Variants in PARVB observed in about 807,000 individuals in gnomAD.
The protein encoded by PARVB is beta-parvin.
A neutral mutation model predicts 47.0 loss-of-function variants in PARVB; 46 were observed. That is an observed-to-expected ratio of 0.98 (90% CI 0.77 to 1.25). PARVB has a LOEUF of 1.25. Ranked by LOEUF, PARVB falls within the 50% of genes most tolerant of loss-of-function variation. PARVB has a pLI of 0.00. For missense variants in PARVB, 473 were observed against 471.6 expected (o/e 1.00, Z -0.03); for synonymous variants, 196 against 196.3 (o/e 1.00, Z 0.01).
intron 11 of PARVB, among the ~76,000 whole-genome samples, chr22:44,161,360 C>G (rs998557234): frequency 1.3e-5 from 2 of 149,348 alleles, no homozygotes; most frequent in East Asian, 2.0e-4. Context: ...CTCACCCAGG[C>G]TGGAGTGCAG....
intron 1 of PARVB, among the ~76,000 whole-genome samples, chr22:44,053,776 G>A (rs562779012): frequency 1.3e-5 from 2 of 152,236 alleles, no homozygotes; most frequent in East Asian, 1.9e-4. Context: ...CACAGAACTC[G>A]GGGAAACATT....
At chr22:44,129,724 C>T (rs1226211637) in intron 4 of PARVB, among the ~76,000 whole-genome samples, 3 of 152,310 alleles carry the variant, frequency 2.0e-5, no homozygotes, top group East Asian at 3.9e-4. Flanking sequence ...GATGAATAAG[C>T]GGGAATCGTT....
intron 7 of PARVB, among the ~76,000 whole-genome samples, chr22:44,138,575 G>A (rs2053489530): frequency 6.6e-6 from 1 of 152,190 alleles, no homozygotes; most frequent in African/African-American, 2.4e-5. Flanking sequence ...ATCATTGGAT[G>A]TCTGCTGAAA....
At chr22:44,160,945 G>A (rs1222416365) in intron 11 of PARVB, among the ~76,000 whole-genome samples, 3 of 152,182 alleles carry the variant, frequency 2.0e-5, no homozygotes, top group Non-Finnish European at 1.5e-5. Context: ...GCGTGGAAGA[G>A]GATTCCTCAG....
intron 2 of PARVB, among the ~76,000 whole-genome samples, chr22:44,015,164 TA>T (rs35523068): frequency 1.4e-3 from 200 of 143,778 alleles, no homozygotes; most frequent in Non-Finnish European, 1.5e-3. Flanking sequence ...ACACAGCAAT[TA>T]AAAAAAAAAA....
rs1304516012 is a variant in PARVB, at chr22:44,125,271, T to A, written c.376+6131T>A. On this transcript the variant is annotated intron_variant, in intron 4 of 12. Coordinates refer to ENST00000338758, the MANE Select transcript of PARVB (RefSeq NM_013327.5). This position sits in a 1 kb window ranked among gnomAD's most constrained non-coding sequence, Gnocchi z 4.1. ...TTGGCTTACATGTGTCGGGTGGCTC[T>A]TGGCTGTAGAGACACAGTGGGAAAC... is the stretch of plus-strand genomic sequence containing the variant. Among the ~76,000 whole-genome samples, 11 of 150,780 alleles carry A rather than the reference T, an allele frequency of 7.3e-5. No individual in the cohort carries two copies. The highest frequency in any genetic ancestry group is 1.3e-4 in the Admixed American group (2 of 15,136).
chr22:44,123,238 G>A (rs1456510799), intron 4 of PARVB, among the ~76,000 whole-genome samples: 3 of 152,204 alleles, frequency 2.0e-5, no homozygotes, highest in African/African-American at 7.2e-5. Context: ...TCACTCAAAT[G>A]TATTGACCAT....
chr22:44,108,941 A>AG (rs2052627242), intron 3 of PARVB: 1 of 152,180 alleles, frequency 6.6e-6, no homozygotes, highest in Admixed American at 6.5e-5. Flanking sequence ...CAGAAAAAAA[A>AG]CACAGAAAAC....
chr22:44,022,680 A>G (rs9626092), upstream of PARVB, among the ~76,000 whole-genome samples: 5,780 of 152,064 alleles, frequency 0.038, 341 homozygotes, highest in African/African-American at 0.13. Context: ...TCCTCTGCTG[A>G]GTGATCCACC....
At chr22:44,087,793 G>A (rs2052059815) in intron 1 of PARVB, among the ~76,000 whole-genome samples, 1 of 146,108 alleles carries the variant, frequency 6.8e-6, no homozygotes, top group African/African-American at 2.5e-5. Context: ...TTTAGTTTTT[G>A]ATTCTCTTTC....
intron 3 of PARVB, among the ~76,000 whole-genome samples, chr22:44,102,012 G>C (rs147316722): frequency 3.2e-4 from 48 of 152,276 alleles, no homozygotes; most frequent in Non-Finnish European, 4.4e-4. Context: ...TCAATATCTA[G>C]AGAGAGGTTT....
At position 44,168,953 on chromosome 22, in the gene PARVB, C is replaced by CA. The variant is rs1385559397; in HGVS notation, c.*276dup. The CA allele has an allele frequency of 2.6e-6, 1 of 383,720 alleles. No homozygotes were observed. Among genetic ancestry groups the CA allele is most frequent in the African/African-American group, 2.0e-5 (1 of 49,132 alleles). The allele number at this position is 383,720 out of a possible 1,614,324, so 23.8% of individuals were successfully genotyped here. ...CTTGCGTTTGAAGCCTCGCGTCACT[C>CA]AGTCGCGTGGGATGATGAGTCCGTT... On this transcript the variant is annotated 3_prime_UTR_variant, in exon 13 of 13. Coordinates refer to ENST00000338758, the MANE Select transcript of PARVB (RefSeq NM_013327.5).
chr22:44,154,009 G>T (rs185437317), intron 10 of PARVB, among the ~76,000 whole-genome samples: 98 of 152,298 alleles, frequency 6.4e-4, no homozygotes, highest in Non-Finnish European at 1.2e-3. Flanking sequence ...CACTTTGAAG[G>T]CTCAGGAAGA....
chr22:44,087,153 G>A (rs62226428), intron 1 of PARVB: 1 of 152,248 alleles, frequency 6.6e-6, no homozygotes, highest in South Asian at 2.1e-4. Flanking sequence ...TCTTTTAGAT[G>A]TGCAGGGATG....
chr22:44,151,823 A>C, intron 10 of PARVB: 1 of 415,154 alleles, frequency 2.4e-6, no homozygotes, highest in Non-Finnish European at 4.5e-6. Context: ...CAAAATCAAG[A>C]TGGGGCCTGG....
At chr22:44,016,440 C>T (rs1281540208) in intron 2 of PARVB, among the ~76,000 whole-genome samples, 1 of 152,184 alleles carries the variant, frequency 6.6e-6, no homozygotes, top group South Asian at 2.1e-4. Context: ...AAACCTCACT[C>T]TCTGTGTGTC....
At chr22:44,086,899 G>C (rs530075531) in intron 1 of PARVB, 4 of 909,434 alleles carry the variant, frequency 4.4e-6, no homozygotes, top group East Asian at 1.2e-4. Flanking sequence ...TAACAGAGAT[G>C]TCTTTGGGTT....
chr22:44,129,466 C>G (rs370143025), intron 4 of PARVB, among the ~76,000 whole-genome samples: 3 of 152,196 alleles, frequency 2.0e-5, no homozygotes, highest in African/African-American at 4.8e-5. Flanking sequence ...TCTGCGGGGC[C>G]GGATGGTGGC....
intron 1 of PARVB, among the ~76,000 whole-genome samples, chr22:44,086,117 T>C (rs982746580): frequency 4.6e-5 from 7 of 152,198 alleles, no homozygotes; most frequent in Admixed American, 2.6e-4. Flanking sequence ...TCTAGTCATG[T>C]CAGCACCGTT....
Sources: gnomAD v4.1 joint callset for allele counts (sites outside exome capture counted in the v4.1 genomes callset) on GRCh38, gnomAD v4.1.1 for gene constraint, Gnocchi (gnomAD v3.1) non-coding constraint, MANE v1.5 for transcripts, NCBI Gene and HGNC (gene_info 2026-07-23, HGNC 2026-07-21) for gene names.